Variants in CSMD3 observed in about 807,000 individuals in gnomAD.
The protein encoded by CSMD3 is CUB and Sushi multiple domains 3.
In CSMD3, 177 loss-of-function variants were observed where a neutral mutation model predicts 435.2. That is an observed-to-expected ratio of 0.41 (90% CI 0.36 to 0.46). The LOEUF (loss-of-function observed/expected upper bound fraction) is 0.46. CSMD3 is among the 20% of genes least tolerant of loss of function. The pLI is 0.34. For missense variants in CSMD3, 4,265 were observed against 4,504.6 expected (o/e 0.95, Z 1.52); for synonymous variants, 1,656 against 1,520.5 (o/e 1.09, Z -2.07).
At chr8:112,288,293 G>C (rs1819417730) in intron 57 of CSMD3, among the ~76,000 whole-genome samples, 1 of 151,654 alleles carries the variant, frequency 6.6e-6, no homozygotes, top group Non-Finnish European at 1.5e-5. Flanking sequence ...GAGTCTGTGT[G>C]TTCGCATGTA....
chr8:112,478,515 T>C (rs1355094827), intron 31 of CSMD3, among the ~76,000 whole-genome samples: 1 of 152,220 alleles, frequency 6.6e-6, no homozygotes, highest in African/African-American at 2.4e-5. Context: ...GGCTGCATTG[T>C]GTTCATGTCC....
intron 1 of CSMD3, among the ~76,000 whole-genome samples, chr8:113,390,600 C>A (rs1009069572): frequency 6.6e-6 from 1 of 151,740 alleles, no homozygotes; most frequent in African/African-American, 2.4e-5. Context: ...CAGAAAATAT[C>A]ACTCCTCTAA....
intron 9 of CSMD3, among the ~76,000 whole-genome samples, chr8:112,925,700 G>A (rs2082889328): frequency 6.6e-6 from 1 of 152,128 alleles, no homozygotes; most frequent in South Asian, 2.1e-4. Flanking sequence ...TAGGAAGAAA[G>A]GAGCCTTCTC....
intron 13 of CSMD3, among the ~76,000 whole-genome samples, chr8:112,798,369 G>T (rs1366923364): frequency 1.3e-5 from 2 of 151,816 alleles, no homozygotes; most frequent in East Asian, 1.9e-4. Context: ...TAAAAAAACA[G>T]AATTTTGAGC....
chr8:112,410,191 C>T (rs1422894574), intron 32 of CSMD3, among the ~76,000 whole-genome samples: 1 of 151,520 alleles, frequency 6.6e-6, no homozygotes, highest in African/African-American at 2.4e-5. Context: ...GTTTTTAGGC[C>T]TGTAAAAATA....
chr8:112,563,100 TC>T (rs1828781966), intron 24 of CSMD3, among the ~76,000 whole-genome samples: 1 of 151,470 alleles, frequency 6.6e-6, no homozygotes, highest in Non-Finnish European at 1.5e-5. Flanking sequence ...GCTGCAATAA[TC>T]CTCTGTGATT....
Position 113,352,908 on chromosome 8 carries a change from G to T in CSMD3, c.179-38115C>A, listed in dbSNP as rs73341936. ...CACGCATTAATATTTGGGTGAATTG[G>T]TACAGGGACACAAGAGCAGAAGAAT... On this transcript the variant is annotated intron_variant, in intron 1 of 70. Coordinates refer to ENST00000297405, the MANE Select transcript of CSMD3 (RefSeq NM_198123.2). 3.5e-3 allele frequency among the ~76,000 whole-genome samples: 533 copies of T among 152,244 alleles called. 2 individuals carry two copies. Among genetic ancestry groups the T allele is most frequent in the African/African-American group, 0.012 (497 of 41,550 alleles).
chr8:112,609,301 C>T (rs117150757), intron 22 of CSMD3, among the ~76,000 whole-genome samples: 2,644 of 143,982 alleles, frequency 0.018, 31 homozygotes, highest in Middle Eastern at 0.031. Flanking sequence ...TCAAGAAACT[C>T]ATATTATTTT....
chr8:112,636,875 C>T lies in CSMD3; in HGVS notation c.3657G>A (p.Glu1219=), dbSNP rs2074675126. 1 of 1,613,588 alleles carries T rather than the reference C, an allele frequency of 6.2e-7. No homozygotes were observed. Among genetic ancestry groups the T allele is most frequent in the Non-Finnish European group, 8.5e-7 (1 of 1,179,790 alleles). ...SSGYRLEGTS[E]IICLGGGRRV... is the part of the protein sequence containing the mutation. Reference sequence around the variant, plus strand: ...GTCGGCCACCACCAAGACAGATGATCTCTGATGTTCCTTCCAGTCGATAAC... The same window carrying T: ...GTCGGCCACCACCAAGACAGATGATTTCTGATGTTCCTTCCAGTCGATAAC... The change falls in exon 22 of 71, where the codon GAG becomes GAA. Residue 1219 remains glutamate, a synonymous_variant. Transcript: ENST00000297405.
Position 112,247,040 on chromosome 8 carries a change from C to T in CSMD3, c.10202G>A (p.Gly3401Glu), listed in dbSNP as rs1416956730. Reference sequence around the variant, plus strand: ...CTTACGTATGCATTCAGGCTGAATCCCACTCCACGTAAGATCAGGGAGGCA... The same window carrying T: ...CTTACGTATGCATTCAGGCTGAATCTCACTCCACGTAAGATCAGGGAGGCA... ...RTCLPDLTWS[G>E]IQPECIPHSC... Residue 3401 changes from glycine (G) to glutamate (E), a missense_variant, in exon 64 of 71, where the codon GGG becomes GAG. Physicochemically the swap from Gly to Glu is moderately conservative, Grantham distance 98. Around this residue, in one of 3 missense-constraint regions of CSMD3, gnomAD observed 3,255 missense variants for 3,380.2 expected, o/e 0.96. Coordinates refer to ENST00000297405, the MANE Select transcript of CSMD3 (RefSeq NM_198123.2). The T allele has an allele frequency of 6.2e-7, 1 of 1,612,968 alleles. No homozygotes were observed. The highest frequency in any genetic ancestry group is 8.5e-7 in the Non-Finnish European group (1 of 1,179,168).
chr8:112,865,885 T>TA, intron 10 of CSMD3, among the ~76,000 whole-genome samples: 1 of 152,250 alleles, frequency 6.6e-6, no homozygotes, highest in Non-Finnish European at 1.5e-5. Flanking sequence ...TTAAAATACT[T>TA]AGAGTCACAA....
intron 3 of CSMD3, among the ~76,000 whole-genome samples, chr8:113,269,308 G>T (rs1236262675): frequency 1.3e-5 from 2 of 152,102 alleles, no homozygotes; most frequent in African/African-American, 4.8e-5. Flanking sequence ...TGAAATAAAA[G>T]AGGATACAAA....
intron 27 of CSMD3, among the ~76,000 whole-genome samples, chr8:112,530,575 A>G (rs1195378640): frequency 6.6e-6 from 1 of 152,208 alleles, no homozygotes; most frequent in Non-Finnish European, 1.5e-5. Flanking sequence ...GAAGGTTGGA[A>G]AAAGACTCCC....
chr8:112,387,465 A>G (rs372636346), intron 36 of CSMD3, among the ~76,000 whole-genome samples: 21 of 144,212 alleles, frequency 1.5e-4, no homozygotes, highest in East Asian at 1.0e-3. Flanking sequence ...GTCATATATT[A>G]TGTGTGTGTG....
At chr8:113,016,588 T>C (rs1037848665) in intron 6 of CSMD3, among the ~76,000 whole-genome samples, 62 of 151,894 alleles carry the variant, frequency 4.1e-4, no homozygotes, top group African/African-American at 1.5e-3. Flanking sequence ...CCTAAAAATA[T>C]TAAATAATTA....
intron 38 of CSMD3, among the ~76,000 whole-genome samples, chr8:112,370,082 A>AAGAAGAAGT (rs1285510394): frequency 0.016 from 1,677 of 101,822 alleles, 36 homozygotes; most frequent in Middle Eastern, 0.019. Flanking sequence ...GAAGAAGAAG[A>AAGAAGAAGT]AGTAGTAGTA....
intron 2 of CSMD3, among the ~76,000 whole-genome samples, chr8:113,292,394 ATTT>A (rs1172848123): frequency 6.6e-6 from 1 of 151,868 alleles, no homozygotes; most frequent in Non-Finnish European, 1.5e-5. Flanking sequence ...TCAATAATAT[ATTT>A]TTTATCATTA....
chr8:112,433,654 C>CAAAAAAAAAAAAAAAAAAAAAAAAAA (rs35572894), intron 32 of CSMD3, among the ~76,000 whole-genome samples: 6 of 93,172 alleles, frequency 6.4e-5, no homozygotes, highest in East Asian at 3.3e-4. Context: ...GAGAACCTGT[C>CAAAAAAAAAAAAAAAAAAAAAAAAAA]AAAAAAAAAA....
intron 16 of CSMD3, among the ~76,000 whole-genome samples, chr8:112,678,390 T>C (rs2075812967): frequency 6.6e-6 from 1 of 152,102 alleles, no homozygotes; most frequent in South Asian, 2.1e-4. Flanking sequence ...TATTAAAAGA[T>C]TGGATAATCA....
Sources: allele counts gnomAD v4.1 joint callset (sites outside exome capture counted in the v4.1 genomes callset), GRCh38; gene constraint gnomAD v4.1.1; regional missense constraint gnomAD v4.1.1; transcripts MANE v1.5; gene names NCBI Gene and HGNC (gene_info 2026-07-23, HGNC 2026-07-21).